Variants in ZFHX3 observed in about 807,000 individuals in gnomAD.
The protein encoded by ZFHX3 is zinc finger homeobox 3, also known as zinc finger homeobox protein 3.
Under a neutral mutation model 279.1 loss-of-function variants are expected in ZFHX3, and 42 were observed. The ratio of observed to expected loss-of-function variants is 0.15; its 90% confidence interval spans 0.12 to 0.19. ZFHX3 has a LOEUF of 0.19. Among genes scored for constraint, ZFHX3 ranks in the 10% least tolerant of loss-of-function variants. The pLI, the probability that ZFHX3 is intolerant of heterozygous loss-of-function variation, is 1.00. For synonymous variants in ZFHX3, 2,293 were observed against 1,957.8 expected, an observed-to-expected ratio of 1.17 and a Z score of -4.52; for missense variants, 4,981 against 4,754.0, an observed-to-expected ratio of 1.05 and a Z score of -1.40.
intron 1 of ZFHX3, among the ~76,000 whole-genome samples, chr16:73,031,958 C>T (rs569139974): frequency 6.6e-6 from 1 of 152,066 alleles, no homozygotes; most frequent in East Asian, 1.9e-4. Flanking sequence ...CCTGGCATTG[C>T]CTCAAAACTT....
chr16:73,194,703 T>C (rs961408616), intron 5 of ZFHX3, among the ~76,000 whole-genome samples: 4 of 152,226 alleles, frequency 2.6e-5, no homozygotes, highest in Non-Finnish European at 5.9e-5. Flanking sequence ...ATGCATGTCA[T>C]TGCAATTTTT....
chr16:73,204,282 C>CTAT (rs1167574069), intron 5 of ZFHX3, among the ~76,000 whole-genome samples: 3 of 150,174 alleles, frequency 2.0e-5, no homozygotes, highest in African/African-American at 7.3e-5. Flanking sequence ...ATTATTATTT[C>CTAT]TATTATTATT....
chr16:73,010,013 T>C (rs1278590333), intron 1 of ZFHX3, among the ~76,000 whole-genome samples: 7 of 84,982 alleles, frequency 8.2e-5, no homozygotes, highest in Admixed American at 1.6e-4. Flanking sequence ...AGAGCGAGAC[T>C]CCCTCTCAAA....
At chr16:72,859,033 G>C (rs922362648) in intron 4 of ZFHX3, among the ~76,000 whole-genome samples, 1 of 152,194 alleles carries the variant, frequency 6.6e-6, no homozygotes, top group African/African-American at 2.4e-5. Context: ...GTATTCCCAG[G>C]CTCCCTCCAC....
chr16:73,397,399 GA>G (rs1380694298), intron 3 of ZFHX3, among the ~76,000 whole-genome samples: 2 of 152,190 alleles, frequency 1.3e-5, no homozygotes, highest in African/African-American at 4.8e-5. Context: ...GGAGGCAGAG[GA>G]AGAGTAAGTG....
At chr16:73,874,692 T>G (rs1423541149) in intron 1 of ZFHX3, among the ~76,000 whole-genome samples, 1 of 152,232 alleles carries the variant, frequency 6.6e-6, no homozygotes, top group Non-Finnish European at 1.5e-5. Flanking sequence ...TGTGTTTGAA[T>G]ATACACCACC....
intron 3 of ZFHX3, among the ~76,000 whole-genome samples, chr16:73,385,656 C>A (rs2016888131): frequency 1.3e-5 from 2 of 152,198 alleles, no homozygotes; most frequent in South Asian, 4.1e-4. Flanking sequence ...AGCTATACAG[C>A]AAATGCAGGC....
intron 5 of ZFHX3, among the ~76,000 whole-genome samples, chr16:73,153,246 T>A (rs182411616): frequency 6.6e-6 from 1 of 152,322 alleles, no homozygotes; most frequent in Admixed American, 6.5e-5. Flanking sequence ...TCATCTTCGA[T>A]AAATAATTGC....
intron 2 of ZFHX3, among the ~76,000 whole-genome samples, chr16:73,654,854 C>CT (rs1382941693): frequency 0.12 from 7,753 of 63,926 alleles, 819 homozygotes; most frequent in Non-Finnish European, 0.16. Context: ...ATAGTAATCA[C>CT]TTTTTTTTTT....
At chr16:73,114,119 C>A (rs1409535101) in intron 7 of ZFHX3, among the ~76,000 whole-genome samples, 3 of 151,012 alleles carry the variant, frequency 2.0e-5, no homozygotes, top group Admixed American at 2.0e-4. Context: ...AGATGGGGGT[C>A]TCACTCTGTT....
rs531963922 is a variant in ZFHX3, at chr16:73,130,970, C to T, written c.-899G>A. On this transcript the variant is annotated splice_region_variant and 5_prime_UTR_variant, in exon 7 of 18. Coordinates refer to the ZFHX3 transcript ENST00000641206. ...ACTATAAGACATTTGTCACCAACCTCTATGCAACTGCCGCTTTGTGCCTGA... is the reference window on the plus strand; with the variant it reads ...ACTATAAGACATTTGTCACCAACCTTTATGCAACTGCCGCTTTGTGCCTGA... 154 of 1,305,244 alleles carry T rather than the reference C, an allele frequency of 1.2e-4. No homozygotes were observed. The Middle Eastern group carries it at 2.3e-3, about 20-fold the overall frequency. 80.9% of individuals were successfully genotyped at this position (1,305,244 alleles called of 1,614,324 possible). A position where few individuals can be genotyped will look rare whatever the true frequency, so the allele number is the denominator to read the frequency against.
intron 2 of ZFHX3, among the ~76,000 whole-genome samples, chr16:73,660,741 T>A (rs1004158660): frequency 6.6e-6 from 1 of 152,178 alleles, no homozygotes; most frequent in Non-Finnish European, 1.5e-5. Context: ...AAAAACAAAA[T>A]GTGACAGGTG....
At chr16:73,445,999 C>G (rs978407874) in intron 3 of ZFHX3, among the ~76,000 whole-genome samples, 1 of 152,172 alleles carries the variant, frequency 6.6e-6, no homozygotes, top group African/African-American at 2.4e-5. Context: ...TTATGCTTCT[C>G]TCAGTTCCTG....
At chr16:73,386,431 G>T (rs1364171771) in intron 3 of ZFHX3, among the ~76,000 whole-genome samples, 1 of 152,092 alleles carries the variant, frequency 6.6e-6, no homozygotes, top group Non-Finnish European at 1.5e-5. Context: ...TTAAATATAT[G>T]CTTTGCTGAG....
rs374282626 is a variant in ZFHX3, at chr16:73,127,522, C to T, written c.-897+3446G>A. The T allele has an allele frequency of 1.0e-5, 13 of 1,305,468 alleles. No individual in the cohort carries two copies. The African/African-American group carries it at 1.8e-4, about 18-fold the overall frequency. 80.9% of individuals were successfully genotyped at this position (1,305,468 alleles called of 1,614,324 possible). A position where few individuals can be genotyped will look rare whatever the true frequency, so the allele number is the denominator to read the frequency against. ...TGATGGATGGGGGAAGAAGAGAGCCCCTGAATGCAGAGATGGGAGGCTTTG... is the reference window on the plus strand; with the variant it reads ...TGATGGATGGGGGAAGAAGAGAGCCTCTGAATGCAGAGATGGGAGGCTTTG... On this transcript the variant is annotated intron_variant, in intron 7 of 17. Coordinates refer to the ZFHX3 transcript ENST00000641206.
chr16:73,238,016 C>A (rs139548422), intron 5 of ZFHX3, among the ~76,000 whole-genome samples: 102 of 152,274 alleles, frequency 6.7e-4, no homozygotes, highest in African/African-American at 2.3e-3. Flanking sequence ...CATTAACAAC[C>A]AATTCCACTG....
intron 2 of ZFHX3, among the ~76,000 whole-genome samples, chr16:73,474,687 G>A (rs1302373586): frequency 1.3e-5 from 2 of 152,110 alleles, no homozygotes; most frequent in Admixed American, 6.5e-5. Flanking sequence ...ATCCCAGCTG[G>A]CAGCTTCCTT....
At chr16:73,810,793 T>A (rs1253149281) in intron 1 of ZFHX3, among the ~76,000 whole-genome samples, 1 of 152,192 alleles carries the variant, frequency 6.6e-6, no homozygotes, top group Non-Finnish European at 1.5e-5. Flanking sequence ...CTTGAGTACA[T>A]CACTCACCAT....
intron 1 of ZFHX3, among the ~76,000 whole-genome samples, chr16:73,023,190 G>T (rs962870817): frequency 1.1e-4 from 16 of 152,202 alleles, no homozygotes; most frequent in African/African-American, 3.9e-4. Context: ...TCGCACTGCT[G>T]CACTCCAGCC....
Sources: allele counts gnomAD v4.1 joint callset (sites outside exome capture counted in the v4.1 genomes callset), GRCh38; gene constraint gnomAD v4.1.1; transcripts MANE v1.5; gene names NCBI Gene and HGNC (gene_info 2026-07-23, HGNC 2026-07-21).